Variants in MACROD2 observed in about 807,000 individuals in gnomAD.
MACROD2 encodes ADP-ribose glycohydrolase MACROD2.
A neutral mutation model predicts 70.4 loss-of-function variants in MACROD2; 36 were observed. The observed-to-expected ratio is 0.51, with a 90% CI of 0.39 to 0.68. The LOEUF is 0.68. Ranked by LOEUF, MACROD2 falls within the 30% of genes least tolerant of loss-of-function variation. The pLI, the probability that MACROD2 is intolerant of heterozygous loss-of-function variation, is 0.00. For synonymous variants in MACROD2, 172 were observed against 178.8 expected (o/e 0.96, Z 0.30); for missense variants, 496 against 538.4 (o/e 0.92, Z 0.78).
At chr20:14,388,683 G>A (rs753084780) in intron 3 of MACROD2, among the ~76,000 whole-genome samples, 4 of 152,052 alleles carry the variant, frequency 2.6e-5, no homozygotes, top group African/African-American at 4.8e-5. Flanking sequence ...ATCTGCAGCC[G>A]CAGACCTCAA....
At chr20:14,290,225 GTT>G (rs1372993648) in intron 3 of MACROD2, among the ~76,000 whole-genome samples, 1 of 152,174 alleles carries the variant, frequency 6.6e-6, no homozygotes, top group Non-Finnish European at 1.5e-5. Context: ...GTGACGTGCA[GTT>G]TACCTATACA....
At chr20:14,589,775 G>A (rs1981636290) in intron 4 of MACROD2, among the ~76,000 whole-genome samples, 1 of 152,148 alleles carries the variant, frequency 6.6e-6, no homozygotes, top group South Asian at 2.1e-4. Flanking sequence ...TAAATTCAGA[G>A]AGAAAAGTTC....
At chr20:14,781,934 C>CT (rs938434371) in intron 5 of MACROD2, among the ~76,000 whole-genome samples, 4 of 150,178 alleles carry the variant, frequency 2.7e-5, no homozygotes, top group African/African-American at 7.3e-5. Context: ...TTTCTTTTTC[C>CT]TTTTTTTTTG....
chr20:14,550,547 A>G (rs1600374739), intron 4 of MACROD2, among the ~76,000 whole-genome samples: 1 of 152,174 alleles, frequency 6.6e-6, no homozygotes, highest in African/African-American at 2.4e-5. Context: ...ACCAGACACC[A>G]AATCTGCCAG....
chr20:14,973,543 G>A (rs911018784), intron 5 of MACROD2, among the ~76,000 whole-genome samples: 1 of 152,044 alleles, frequency 6.6e-6, no homozygotes, highest in Non-Finnish European at 1.5e-5. Flanking sequence ...TTTTTATGGA[G>A]TGGCAGAGGA....
In MACROD2 at chr20:15,758,566, G is replaced by A. The variant is rs556703161; in HGVS notation, c.646-104179G>A. The stretch of plus-strand genomic sequence containing the variant: ...TTTTTTTTTTTTTTTAAGAAACTGG[G>A]TCTTGCTCTGTGCCTCAGGCTGAAG... On this transcript the variant is annotated intron_variant, in intron 8 of 17. Transcript: ENST00000684519. Among the ~76,000 whole-genome samples the A allele has an allele frequency of 1.7e-3, 247 of 147,688 alleles. 3 individuals are homozygous for A. Among genetic ancestry groups the A allele is most frequent in the African/African-American group, 5.7e-3 (228 of 39,860 alleles).
intron 6 of MACROD2, among the ~76,000 whole-genome samples, chr20:15,327,527 G>T (rs902352515): frequency 6.6e-6 from 1 of 152,116 alleles, no homozygotes; most frequent in Non-Finnish European, 1.5e-5. Context: ...GCAAGGAGAA[G>T]TGCCAAGCAA....
At chr20:15,529,785 G>A (rs2047772674) in intron 8 of MACROD2, among the ~76,000 whole-genome samples, 1 of 152,132 alleles carries the variant, frequency 6.6e-6, no homozygotes, top group Non-Finnish European at 1.5e-5. Flanking sequence ...GACCGATTAT[G>A]TTGACATTTA....
chr20:15,538,506 G>A (rs958056887), intron 8 of MACROD2, among the ~76,000 whole-genome samples: 1 of 152,200 alleles, frequency 6.6e-6, no homozygotes, highest in African/African-American at 2.4e-5. Flanking sequence ...AACATGTGGA[G>A]TTTGAGATGC....
At chr20:15,541,783 A>T (rs1161219648) in intron 8 of MACROD2, among the ~76,000 whole-genome samples, 3 of 152,200 alleles carry the variant, frequency 2.0e-5, no homozygotes, top group Non-Finnish European at 4.4e-5. Flanking sequence ...CAGTTGCTGG[A>T]TGACTGTTGT....
intron 13 of MACROD2, among the ~76,000 whole-genome samples, chr20:15,982,476 G>T (rs1244529047): frequency 6.6e-6 from 1 of 152,154 alleles, no homozygotes; most frequent in Non-Finnish European, 1.5e-5. Flanking sequence ...GGACCAGTCA[G>T]CTTCTGAGTG....
chr20:14,858,524 T>C (rs1328877250), intron 5 of MACROD2, among the ~76,000 whole-genome samples: 5 of 152,102 alleles, frequency 3.3e-5, no homozygotes, highest in African/African-American at 1.2e-4. Context: ...AGATAGTCCT[T>C]ATGATTTTGG....
chr20:15,646,499 A>T (rs1245768740), intron 8 of MACROD2, among the ~76,000 whole-genome samples: 1 of 152,234 alleles, frequency 6.6e-6, no homozygotes, highest in Non-Finnish European at 1.5e-5. Flanking sequence ...CAAAAAGTCA[A>T]CTGAGGCTTG....
intron 4 of MACROD2, among the ~76,000 whole-genome samples, chr20:14,639,345 A>G (rs1984965688): frequency 6.6e-6 from 1 of 151,920 alleles, no homozygotes. Context: ...CCATTCACTC[A>G]TTCCATTTCA....
At chr20:15,613,825 C>A (rs567199466) in intron 8 of MACROD2, among the ~76,000 whole-genome samples, 3 of 152,124 alleles carry the variant, frequency 2.0e-5, no homozygotes, top group Non-Finnish European at 4.4e-5. Flanking sequence ...AAAGTCTGAC[C>A]GTGTTATCTT....
chr20:14,734,040 A>G (rs1054082531), intron 5 of MACROD2, among the ~76,000 whole-genome samples: 2 of 152,088 alleles, frequency 1.3e-5, no homozygotes. Context: ...ATCTTATATT[A>G]CTGATTTCAA....
At chr20:14,151,522 A>G (rs1293562422) in intron 3 of MACROD2, among the ~76,000 whole-genome samples, 1 of 152,200 alleles carries the variant, frequency 6.6e-6, no homozygotes, top group Non-Finnish European at 1.5e-5. Flanking sequence ...TCATAGACTC[A>G]GCCACAAAAC....
intron 9 of MACROD2, among the ~76,000 whole-genome samples, chr20:15,883,834 A>G (rs919746014): frequency 2.0e-5 from 3 of 152,136 alleles, no homozygotes; most frequent in African/African-American, 7.2e-5. Flanking sequence ...AGTGCCAAGG[A>G]ATATACAGGA....
At chr20:14,378,268 T>C (rs2083391281) in intron 3 of MACROD2, among the ~76,000 whole-genome samples, 2 of 152,172 alleles carry the variant, frequency 1.3e-5, no homozygotes, top group South Asian at 4.1e-4. Context: ...ACAGATTCCC[T>C]TTTGAGAGTA....
Sources: gnomAD v4.1 joint callset for allele counts (sites outside exome capture counted in the v4.1 genomes callset) on GRCh38, gnomAD v4.1.1 for gene constraint, MANE v1.5 for transcripts, NCBI Gene and HGNC (gene_info 2026-07-23, HGNC 2026-07-21) for gene names.